The following IGDCC3 variants were observed in gnomAD, a reference collection of about 807,000 sequenced individuals.
IGDCC3 encodes putative neuronal cell adhesion molecule.
A neutral mutation model predicts 72.0 loss-of-function variants in IGDCC3; 47 were observed. The ratio of observed to expected loss-of-function variants is 0.65; its 90% CI spans 0.52 to 0.83. IGDCC3 has a LOEUF of 0.83. IGDCC3 is among the 40% of genes least tolerant of loss of function. IGDCC3 has a pLI of 0.00. For synonymous variants in IGDCC3, 477 were observed against 472.8 expected (o/e 1.01, Z -0.11); for missense variants, 1,038 against 1,091.3 (o/e 0.95, Z 0.69).
chr15:65,329,655 C>CCCA lies in IGDCC3; in HGVS notation c.1998-61_1998-59dup. 6.2e-7 allele frequency: 1 copy of CCCA among 1,610,202 alleles called. No individual in the cohort carries two copies. ...AGAGAAAAGAGACAGAGGCAGTGAG[C>CCCA]CCACACTCACCTTCTCTAGGCCTAG... On this transcript the variant is annotated intron_variant, in intron 12 of 13. Coordinates refer to ENST00000327987, the MANE Select transcript of IGDCC3 (RefSeq NM_004884.4). The surrounding 1 kb of genome is among the most constrained non-coding windows in gnomAD (Gnocchi z 4.1).
intron 2 of IGDCC3, among the ~76,000 whole-genome samples, chr15:65,345,477 C>T (rs1332396792): frequency 6.6e-6 from 1 of 152,020 alleles, no homozygotes; most frequent in East Asian, 1.9e-4. Context: ...TCGCTTGAGT[C>T]CAATAGGTTG....
intron 4 of IGDCC3, 25 bp downstream of exon 4, chr15:65,335,266 G>A: frequency 1.3e-6 from 2 of 1,591,074 alleles, no homozygotes; most frequent in South Asian, 1.1e-5. Context: ...GGGGAGGTTG[G>A]GGGAAAGTGC....
At chr15:65,365,640 C>A (rs1489904653) in intron 2 of IGDCC3, among the ~76,000 whole-genome samples, 2 of 149,556 alleles carry the variant, frequency 1.3e-5, no homozygotes, top group Non-Finnish European at 1.5e-5. Context: ...CCTTTGTTGC[C>A]CTCTTTGAAC....
In IGDCC3 at chr15:65,375,240, G is replaced by A; in HGVS notation, c.266C>T (p.Thr89Ile). 1 of 1,614,236 alleles carries A rather than the reference G, an allele frequency of 6.2e-7. No homozygotes were observed. Among genetic ancestry groups the A allele is most frequent in the Non-Finnish European group, 8.5e-7 (1 of 1,180,048 alleles). Residue 89 changes from threonine (T) to isoleucine (I), a missense_variant, in exon 2 of 14, where the codon ACC (threonine) becomes ATC (isoleucine). Physicochemically the swap from Thr to Ile is moderately conservative, Grantham distance 89. Coordinates refer to ENST00000327987, the MANE Select transcript of IGDCC3 (RefSeq NM_004884.4). ...CATCAAGGACCCATTGGCCAGCAAG[G>A]TGGAGTGGGTACTCTCTGGCAGCTC... ...GVELPESTHS[T>I]LLANGSLMIR...
intron 6 of IGDCC3, among the ~76,000 whole-genome samples, 167 bp downstream of exon 6, chr15:65,333,090 G>A (rs556367050): frequency 8.1e-4 from 123 of 152,370 alleles, no homozygotes; most frequent in Middle Eastern, 6.8e-3. Flanking sequence ...AGCATTCCTC[G>A]GGAAGAACGC....
At chr15:65,355,883 CA>C in intron 2 of IGDCC3, 4 of 325,344 alleles carry the variant, frequency 1.2e-5, no homozygotes, top group South Asian at 8.1e-5. Flanking sequence ...TCGGATTCCC[CA>C]GCTGGGCCCG....
chr15:65,371,074 C>G (rs1261822703), intron 2 of IGDCC3, among the ~76,000 whole-genome samples: 5 of 152,246 alleles, frequency 3.3e-5, no homozygotes, highest in African/African-American at 1.2e-4. Flanking sequence ...TTGGGCCTGC[C>G]CAGGCAAGAT....
At position 65,368,160 on chromosome 15, in the gene IGDCC3, TCACACACACA is replaced by T. The variant is rs57451250; in HGVS notation, c.409+6927_409+6936del. The stretch of plus-strand genomic sequence containing the variant: ...CTGTGGAAAACTCTCTCTCTTTCAC[TCACACACACA>T]CACACACACACACACACACACACAC... On this transcript the variant is annotated intron_variant, in intron 2 of 13. Transcript: ENST00000327987. 5.0e-3 allele frequency among the ~76,000 whole-genome samples: 725 copies of T among 145,526 alleles called. 4 individuals are homozygous for T. The highest frequency in any genetic ancestry group is 8.7e-3 in the African/African-American group (340 of 38,876).
In IGDCC3 at chr15:65,377,555, C is replaced by T. The variant is rs531584366; in HGVS notation, c.103+131G>A. 4 of 897,158 alleles carry T rather than the reference C, an allele frequency of 4.5e-6. No homozygotes were observed. The South Asian group carries it at 1.1e-4, about 25-fold the overall frequency. The allele number at this position is 897,158 out of a possible 1,614,324, so 55.6% of individuals were successfully genotyped here. On this transcript the variant is annotated intron_variant, in intron 1 of 13. Coordinates refer to ENST00000327987, the MANE Select transcript of IGDCC3 (RefSeq NM_004884.4). The surrounding 1 kb of genome is among the most constrained non-coding windows in gnomAD (Gnocchi z 4.9). Reference sequence around the variant, plus strand: ...CTCTCCCCGTCCGGATCCGCAGGGTCCCCCCCGCGCGGGGTCCGCCCTCAG... The same window carrying T: ...CTCTCCCCGTCCGGATCCGCAGGGTTCCCCCCGCGCGGGGTCCGCCCTCAG...
In IGDCC3 at chr15:65,329,312, A is replaced by G. The variant is rs2090953500; in HGVS notation, c.2205+78T>C. ...AGGCCAATGATCGAGGCCCGTGGCCAAGGTGAAGGGGGGCAGGATTGGAAG... is the reference window on the plus strand; with the variant it reads ...AGGCCAATGATCGAGGCCCGTGGCCGAGGTGAAGGGGGGCAGGATTGGAAG... On this transcript the variant is annotated intron_variant, in intron 13 of 13. Transcript: ENST00000327987. The surrounding 1 kb of genome is among the most constrained non-coding windows in gnomAD (Gnocchi z 4.1). The G allele has an allele frequency of 2.0e-6, 3 of 1,490,940 alleles. No individual in the cohort carries two copies. Among genetic ancestry groups the G allele is most frequent in the Middle Eastern group, 4.8e-4 (2 of 4,136 alleles). The allele number at this position is 1,490,940 out of a possible 1,614,324, so 92.4% of individuals were successfully genotyped here.
chr15:65,346,332 C>A (rs929126563), intron 2 of IGDCC3, among the ~76,000 whole-genome samples: 2 of 152,210 alleles, frequency 1.3e-5, no homozygotes, highest in Non-Finnish European at 2.9e-5. Context: ...AGGTCTATGC[C>A]TGTAGTCTAG....
intron 2 of IGDCC3, among the ~76,000 whole-genome samples, chr15:65,353,875 C>T (rs768609482): frequency 1.3e-5 from 2 of 152,164 alleles, no homozygotes; most frequent in East Asian, 1.9e-4. Flanking sequence ...CCCTCAGGGC[C>T]GCTCTATGGA....
intron 2 of IGDCC3, among the ~76,000 whole-genome samples, chr15:65,359,597 C>T (rs1320515740): frequency 6.6e-6 from 1 of 152,158 alleles, no homozygotes; most frequent in Admixed American, 6.5e-5. Flanking sequence ...TGTGACTTAG[C>T]CTTTTCTCCA....
chr15:65,368,144 ACT>A (rs969810665), intron 2 of IGDCC3, among the ~76,000 whole-genome samples: 14 of 128,390 alleles, frequency 1.1e-4, no homozygotes, highest in Non-Finnish European at 1.8e-4. Flanking sequence ...ACTGTGGAAA[ACT>A]CTCTCTCTTT....
intron 2 of IGDCC3, among the ~76,000 whole-genome samples, chr15:65,344,283 C>A (rs1805333317): frequency 6.6e-6 from 1 of 152,178 alleles, no homozygotes; most frequent in African/African-American, 2.4e-5. Flanking sequence ...TGCCTAGTGA[C>A]CCTGCTCTGA....
At chr15:65,354,182 A>G (rs2140158305) in intron 2 of IGDCC3, among the ~76,000 whole-genome samples, 2 of 152,328 alleles carry the variant, frequency 1.3e-5, no homozygotes, top group Middle Eastern at 6.8e-3. Context: ...CTGGGATTAT[A>G]GCCGTGAGCC....
intron 2 of IGDCC3, among the ~76,000 whole-genome samples, chr15:65,353,262 GT>G (rs531295659): frequency 2.5e-5 from 2 of 79,694 alleles, no homozygotes. Flanking sequence ...TCCTTCCGTT[GT>G]TTTTTTTATA....
chr15:65,333,712 T>C (rs2090999759), intron 5 of IGDCC3, among the ~76,000 whole-genome samples: 1 of 152,234 alleles, frequency 6.6e-6, no homozygotes, highest in African/African-American at 2.4e-5. Flanking sequence ...CTGTCTTAGA[T>C]TGACGTTTCC....
intron 7 of IGDCC3, 41 bp downstream of exon 7, chr15:65,331,900 C>T (rs1172108509): frequency 6.3e-7 from 1 of 1,586,342 alleles, no homozygotes; most frequent in African/African-American, 1.3e-5. Context: ...GCTTTCCCTG[C>T]TCTCCCCTGG....
Sources: allele counts gnomAD v4.1 joint callset (sites outside exome capture counted in the v4.1 genomes callset), GRCh38; gene constraint gnomAD v4.1.1; non-coding constraint Gnocchi (gnomAD v3.1); transcripts MANE v1.5; gene names NCBI Gene and HGNC (gene_info 2026-07-23, HGNC 2026-07-21).